Variants in THSD4 observed in about 807,000 individuals in gnomAD.
The protein encoded by THSD4 is thrombospondin type 1 domain containing 4.
Under a neutral mutation model 119.0 loss-of-function variants are expected in THSD4, and 69 were observed. The ratio of observed to expected loss-of-function variants is 0.58; its 90% CI spans 0.48 to 0.71. The LOEUF (loss-of-function observed/expected upper bound fraction) is 0.71, where lower values mean the gene tolerates loss of function less well. Ranked by LOEUF, THSD4 falls within the 30% of genes least tolerant of loss-of-function variation. The pLI, the probability that THSD4 is intolerant of heterozygous loss-of-function variation, is 0.00. For synonymous variants in THSD4, 524 were observed against 540.4 expected (o/e 0.97, Z 0.42); for missense variants, 1,393 against 1,391.1 (o/e 1.00, Z -0.02).
chr15:71,527,907 C>A (rs2048549745), intron 7 of THSD4, among the ~76,000 whole-genome samples: 1 of 151,812 alleles, frequency 6.6e-6, no homozygotes, highest in African/African-American at 2.4e-5. Flanking sequence ...GAGACAGTGT[C>A]TTGCCATGTT....
At chr15:71,721,471 G>A (rs2052721086) in intron 8 of THSD4, among the ~76,000 whole-genome samples, 1 of 151,602 alleles carries the variant, frequency 6.6e-6, no homozygotes, top group African/African-American at 2.4e-5. Context: ...TTGTGCCACT[G>A]CACTCCAGCC....
intron 6 of THSD4, among the ~76,000 whole-genome samples, chr15:71,281,823 T>C (rs549629150): frequency 6.6e-6 from 1 of 152,382 alleles, no homozygotes. Flanking sequence ...AGGAATTTTG[T>C]ATCTTAGATG....
chr15:71,161,991 C>T (rs1421336206), intron 3 of THSD4, among the ~76,000 whole-genome samples: 1 of 152,018 alleles, frequency 6.6e-6, no homozygotes, highest in Non-Finnish European at 1.5e-5. Context: ...AACAACTTAA[C>T]TTTAGTTGCA....
At chr15:71,475,180 G>A (rs367773078) in intron 7 of THSD4, among the ~76,000 whole-genome samples, 2 of 152,148 alleles carry the variant, frequency 1.3e-5, no homozygotes, top group South Asian at 2.1e-4. Flanking sequence ...TCAGATAGTC[G>A]TTAAGTTGAA....
intron 6 of THSD4, among the ~76,000 whole-genome samples, chr15:71,332,857 T>A (rs1310513247): frequency 6.7e-6 from 1 of 148,448 alleles, no homozygotes; most frequent in Non-Finnish European, 1.5e-5. Flanking sequence ...GAATGTAAAT[T>A]TGTAAACTTT....
At chr15:71,721,275 G>A (rs373885617) in intron 8 of THSD4, among the ~76,000 whole-genome samples, 3 of 152,240 alleles carry the variant, frequency 2.0e-5, no homozygotes, top group African/African-American at 4.8e-5. Context: ...TTGGGAGGCC[G>A]AGGCAGGCAG....
At chr15:71,673,271 T>G (rs1024026527) in intron 8 of THSD4, among the ~76,000 whole-genome samples, 2 of 152,244 alleles carry the variant, frequency 1.3e-5, no homozygotes, top group African/African-American at 2.4e-5. Flanking sequence ...CTAGTTTATT[T>G]GCATAGAGGT....
At chr15:71,667,689 G>A (rs1392472256) in intron 8 of THSD4, among the ~76,000 whole-genome samples, 2 of 152,188 alleles carry the variant, frequency 1.3e-5, no homozygotes, top group Non-Finnish European at 2.9e-5. Flanking sequence ...AACATTGGAT[G>A]TTTAAATACT....
At chr15:71,318,068 G>T (rs142050452) in intron 6 of THSD4, among the ~76,000 whole-genome samples, 3 of 152,118 alleles carry the variant, frequency 2.0e-5, no homozygotes, top group Admixed American at 6.5e-5. Flanking sequence ...GTGGCTTTTG[G>T]GGGGCAGTAG....
At chr15:71,125,879 G>A (rs751341803) in intron 1 of THSD4, among the ~76,000 whole-genome samples, 11 of 152,242 alleles carry the variant, frequency 7.2e-5, no homozygotes, top group South Asian at 2.1e-4. Flanking sequence ...TTAAGTAGAC[G>A]TGTGTTTGTG....
At chr15:71,353,830 T>C (rs1185141469) in intron 6 of THSD4, among the ~76,000 whole-genome samples, 1 of 152,250 alleles carries the variant, frequency 6.6e-6, no homozygotes, top group Non-Finnish European at 1.5e-5. Context: ...CATTTGCTGT[T>C]CGTGTGACCT....
At chr15:71,591,736 T>C (rs1595763703) in intron 7 of THSD4, among the ~76,000 whole-genome samples, 2 of 86,830 alleles carry the variant, frequency 2.3e-5, no homozygotes, top group African/African-American at 6.9e-5. Context: ...CCAGATTTTT[T>C]TTTAGAAAAA....
intron 7 of THSD4, among the ~76,000 whole-genome samples, chr15:71,589,004 G>T (rs373737723): frequency 1.8e-4 from 27 of 152,292 alleles, no homozygotes; most frequent in African/African-American, 6.0e-4. Context: ...CCAGGAATTT[G>T]CTGTGGGATG....
chr15:71,157,151 G>A (rs566678227), intron 3 of THSD4, among the ~76,000 whole-genome samples: 4 of 152,146 alleles, frequency 2.6e-5, no homozygotes, highest in African/African-American at 7.2e-5. Context: ...TACTTTATAC[G>A]TGATCAATTT....
Position 71,468,381 on chromosome 15 carries a change from A to G in THSD4, c.1152+56558A>G, listed in dbSNP as rs987227476. Among the ~76,000 whole-genome samples the G allele has an allele frequency of 3.2e-4, 49 of 152,276 alleles. 2 individuals are homozygous for G. The highest frequency in any genetic ancestry group is 9.6e-4 in the African/African-American group (40 of 41,552). On this transcript the variant is annotated intron_variant, in intron 7 of 17. Transcript: ENST00000261862. Reference sequence around the variant, plus strand: ...TACAGGTCTGGAGACCTTCCTGCACATGCTCTCTCAGATCCCTTTTTCCTT... The same window carrying G: ...TACAGGTCTGGAGACCTTCCTGCACGTGCTCTCTCAGATCCCTTTTTCCTT...
chr15:71,543,890 T>C (rs959772131), intron 7 of THSD4, among the ~76,000 whole-genome samples: 7 of 152,174 alleles, frequency 4.6e-5, no homozygotes, highest in East Asian at 1.9e-4. Flanking sequence ...TAGCCAGGCA[T>C]GGTGGTGCAA....
chr15:71,292,475 T>G (rs1275762384), intron 6 of THSD4, among the ~76,000 whole-genome samples: 3 of 152,136 alleles, frequency 2.0e-5, no homozygotes, highest in Non-Finnish European at 4.4e-5. Context: ...TATTTTCTGT[T>G]TTTATTTTTG....
chr15:71,263,876 C>T (rs972192229), intron 6 of THSD4, among the ~76,000 whole-genome samples: 1 of 152,212 alleles, frequency 6.6e-6, no homozygotes, highest in African/African-American at 2.4e-5. Flanking sequence ...GCAGGAAGCT[C>T]CAGTGAAATT....
chr15:71,207,240 G>A lies in THSD4; in HGVS notation c.100-7795G>A, dbSNP rs139151321. The stretch of plus-strand genomic sequence containing the variant: ...ACCTCTCCTGTTCTTCTCAAAGCTC[G>A]CCTGCTGTCTCTCCTGTGAGCCTCT... On this transcript the variant is annotated intron_variant, in intron 3 of 17. Transcript: ENST00000261862. 3.3e-4 allele frequency among the ~76,000 whole-genome samples: 50 copies of A among 152,200 alleles called. No individual in the cohort carries two copies. In the Middle Eastern group the frequency reaches 0.01, roughly 31 times the overall value.
Sources: allele counts gnomAD v4.1 joint callset (sites outside exome capture counted in the v4.1 genomes callset), GRCh38; gene constraint gnomAD v4.1.1; transcripts MANE v1.5; gene names NCBI Gene and HGNC (gene_info 2026-07-23, HGNC 2026-07-21).